The following GPD2 variants were observed in gnomAD, a reference collection of about 807,000 sequenced individuals.
GPD2 encodes glycerol-3-phosphate dehydrogenase, mitochondrial.
GPD2 carries 54 observed loss-of-function variants against 82.4 expected under a neutral mutation model. The observed-to-expected ratio is 0.66, with a 90% CI of 0.53 to 0.82. The LOEUF is 0.82. GPD2 is among the 40% of genes least tolerant of loss of function. The pLI is 0.00. For synonymous variants in GPD2, 288 were observed against 306.1 expected (o/e 0.94, Z 0.62); for missense variants, 748 against 896.2 (o/e 0.83, Z 2.11).
chr2:156,555,963 A>G (rs571772751), intron 8 of GPD2, among the ~76,000 whole-genome samples: 2 of 152,318 alleles, frequency 1.3e-5, no homozygotes, highest in South Asian at 4.1e-4. Flanking sequence ...AGACATGGCA[A>G]GCGTTTCATG....
chr2:156,439,866 A>AAATAAATAAATAAATG (rs1553463900), intron 1 of GPD2, among the ~76,000 whole-genome samples: 8 of 151,586 alleles, frequency 5.3e-5, no homozygotes, highest in Non-Finnish European at 1.0e-4. Flanking sequence ...ATAAATAAAT[A>AAATAAATAAATAAATG]AATAAATAAA....
chr2:156,547,814 A>G (rs1279839474), intron 6 of GPD2, among the ~76,000 whole-genome samples: 1 of 152,258 alleles, frequency 6.6e-6, no homozygotes, highest in African/African-American at 2.4e-5. Context: ...TTAGAGTCAG[A>G]TGAATGTATA....
chr2:156,573,733 T>A (rs536177708), intron 13 of GPD2, among the ~76,000 whole-genome samples: 5 of 152,162 alleles, frequency 3.3e-5, no homozygotes, highest in African/African-American at 1.2e-4. Flanking sequence ...CTAAAGCTAT[T>A]ACTCAGTATC....
the GPD2 span, among the ~76,000 whole-genome samples, chr2:156,429,382 C>G: frequency 6.6e-6 from 1 of 152,194 alleles, no homozygotes; most frequent in East Asian, 1.9e-4. Context: ...TCTGCTTACC[C>G]ACACTTTCCT....
At chr2:156,535,195 G>A (rs943006135) in intron 6 of GPD2, among the ~76,000 whole-genome samples, 1 of 151,820 alleles carries the variant, frequency 6.6e-6, no homozygotes, top group Non-Finnish European at 1.5e-5. Context: ...TTTGATACAG[G>A]TACTCAGGGT....
chr2:156,547,907 A>G (rs1686609376), intron 6 of GPD2, among the ~76,000 whole-genome samples: 1 of 152,228 alleles, frequency 6.6e-6, no homozygotes, highest in Admixed American at 6.5e-5. Context: ...AGGATTTAAA[A>G]TATTTCATTT....
chr2:156,445,591 T>C (rs1682342795), intron 1 of GPD2, among the ~76,000 whole-genome samples: 1 of 152,262 alleles, frequency 6.6e-6, no homozygotes, highest in African/African-American at 2.4e-5. Context: ...TCTTAATGGA[T>C]GTAGAAGCAA....
intron 6 of GPD2, among the ~76,000 whole-genome samples, chr2:156,520,362 A>G (rs1166716027): frequency 2.6e-5 from 4 of 151,918 alleles, no homozygotes; most frequent in African/African-American, 4.8e-5. Context: ...GTCCAATATC[A>G]CTAGGATATT....
chr2:156,407,424 C>A, the GPD2 span, among the ~76,000 whole-genome samples: 264 of 152,170 alleles, frequency 1.7e-3, 1 homozygote, highest in Non-Finnish European at 3.0e-3. Context: ...GGAAAATTAT[C>A]CTTCTTAGAA....
At chr2:156,422,037 G>A in the GPD2 span, among the ~76,000 whole-genome samples, 175 of 152,270 alleles carry the variant, frequency 1.1e-3, no homozygotes, top group African/African-American at 4.0e-3. Flanking sequence ...GGAGGTGGGA[G>A]GATTGCTTGA....
intron 1 of GPD2, among the ~76,000 whole-genome samples, chr2:156,438,342 A>T (rs192616645): frequency 1.8e-3 from 278 of 152,368 alleles, no homozygotes; most frequent in African/African-American, 6.4e-3. Context: ...GGCAAGTAGT[A>T]GACTTCAAAA....
the GPD2 span, among the ~76,000 whole-genome samples, chr2:156,418,410 G>C: frequency 6.6e-6 from 1 of 151,542 alleles, no homozygotes; most frequent in Non-Finnish European, 1.5e-5. Flanking sequence ...AAAAGAGAGA[G>C]AGAAAAAGAA....
chr2:156,508,887 G>C (rs1684881652), intron 3 of GPD2, among the ~76,000 whole-genome samples: 2 of 152,118 alleles, frequency 1.3e-5, no homozygotes, highest in Admixed American at 1.3e-4. Context: ...AGTATGATGA[G>C]AGTCTTCTGG....
In GPD2 at chr2:156,569,385, G is replaced by T; in HGVS notation, c.1323G>T (p.Arg441=). Residue 441 remains arginine, a synonymous_variant, in exon 11 of 17, where the codon CGG becomes CGT. Coordinates refer to ENST00000438166, the MANE Select transcript of GPD2 (RefSeq NM_000408.5). The part of the protein sequence containing the change: ...TIAGGKWTTY[R]SMAEDTINAA... ...TAGGTGGAAAGTGGACAACTTATCG[G>T]TCTATGGCAGAAGATACCATAAATG... The T allele has an allele frequency of 1.9e-6, 3 of 1,610,350 alleles. No homozygotes were observed. Among genetic ancestry groups the T allele is most frequent in the Non-Finnish European group, 1.7e-6 (2 of 1,176,790 alleles).
chr2:156,459,461 T>A (rs913717715), intron 1 of GPD2, among the ~76,000 whole-genome samples: 1 of 151,592 alleles, frequency 6.6e-6, no homozygotes, highest in Non-Finnish European at 1.5e-5. Context: ...CTGAGGTGGG[T>A]GGATCACGAG....
intron 8 of GPD2, among the ~76,000 whole-genome samples, chr2:156,553,653 A>T (rs915786651): frequency 3.9e-5 from 6 of 151,990 alleles, no homozygotes; most frequent in Non-Finnish European, 2.9e-5. Flanking sequence ...TCTTCTTCCA[A>T]TTCCTTCCTT....
chr2:156,403,745 C>T, the GPD2 span, among the ~76,000 whole-genome samples: 1 of 152,028 alleles, frequency 6.6e-6, no homozygotes, highest in East Asian at 1.9e-4. Flanking sequence ...GTTAACTTGC[C>T]TCTTTTTCTG....
chr2:156,559,184 A>G (rs1194182719), intron 9 of GPD2, among the ~76,000 whole-genome samples: 1 of 152,148 alleles, frequency 6.6e-6, no homozygotes. Flanking sequence ...TATCGTTTGT[A>G]TATCACAACA....
intron 6 of GPD2, among the ~76,000 whole-genome samples, chr2:156,528,941 G>C (rs1028196352): frequency 4.6e-5 from 7 of 151,968 alleles, no homozygotes; most frequent in Non-Finnish European, 1.0e-4. Context: ...ATAGTCCTTT[G>C]GGTATATACC....
Sources: gnomAD v4.1 joint callset for allele counts (sites outside exome capture counted in the v4.1 genomes callset) on GRCh38, gnomAD v4.1.1 for gene constraint, MANE v1.5 for transcripts, NCBI Gene and HGNC (gene_info 2026-07-23, HGNC 2026-07-21) for gene names.